Variants in STX8 observed in about 807,000 individuals in gnomAD.
STX8 encodes syntaxin 8, also known as syntaxin-8.
A neutral mutation model predicts 37.5 loss-of-function variants in STX8; 23 were observed. The observed-to-expected ratio is 0.61, with a 90% CI of 0.44 to 0.87. The LOEUF is 0.87. Ranked by LOEUF, STX8 falls within the 40% of genes least tolerant of loss-of-function variation. The pLI is 0.00. For synonymous variants in STX8, 115 were observed against 99.1 expected, an observed-to-expected ratio of 1.16 and a Z score of -0.95; for missense variants, 313 against 284.7, an observed-to-expected ratio of 1.10 and a Z score of -0.71.
At chr17:9,253,563 G>A (rs1388299592) in intron 7 of STX8, among the ~76,000 whole-genome samples, 1 of 152,100 alleles carries the variant, frequency 6.6e-6, no homozygotes, top group Non-Finnish European at 1.5e-5. Flanking sequence ...GGGATGGGGC[G>A]AAGGGGCAAT....
At chr17:9,516,983 G>T (rs1460180084) in intron 4 of STX8, among the ~76,000 whole-genome samples, 1 of 152,006 alleles carries the variant, frequency 6.6e-6, no homozygotes, top group African/African-American at 2.4e-5. Context: ...GGAGTAAGTG[G>T]GGAAGACTCA....
intron 6 of STX8, among the ~76,000 whole-genome samples, chr17:9,394,949 C>T (rs1023750205): frequency 6.4e-5 from 8 of 125,646 alleles, no homozygotes; most frequent in Admixed American, 1.4e-4. Context: ...TAGTGGCGGG[C>T]GCCGTAATCC....
At chr17:9,485,877 T>G (rs1280673566) in intron 6 of STX8, among the ~76,000 whole-genome samples, 1 of 152,100 alleles carries the variant, frequency 6.6e-6, no homozygotes, top group East Asian at 1.9e-4. Context: ...TAAGCCACCA[T>G]GCTCGGACAA....
At chr17:9,524,883 C>T (rs1257220522) in intron 4 of STX8, among the ~76,000 whole-genome samples, 1 of 151,314 alleles carries the variant, frequency 6.6e-6, no homozygotes, top group East Asian at 2.0e-4. Context: ...TCTTGACTTA[C>T]TGCAACCTCG....
chr17:9,521,594 T>G (rs918618137), intron 4 of STX8, among the ~76,000 whole-genome samples: 1 of 152,176 alleles, frequency 6.6e-6, no homozygotes, highest in Non-Finnish European at 1.5e-5. Flanking sequence ...CACCCTTCCA[T>G]CCATCCATCC....
chr17:9,448,498 A>G (rs946944144), intron 6 of STX8, among the ~76,000 whole-genome samples: 1 of 134,282 alleles, frequency 7.4e-6, no homozygotes, highest in Non-Finnish European at 1.6e-5. Flanking sequence ...GTGTACTGCT[A>G]AAGTGCCGTT....
At chr17:9,453,826 A>C (rs1324331623) in intron 6 of STX8, among the ~76,000 whole-genome samples, 1 of 151,964 alleles carries the variant, frequency 6.6e-6, no homozygotes, top group Non-Finnish European at 1.5e-5. Flanking sequence ...TTTAATAACT[A>C]TGTGTTGAGT....
At chr17:9,340,481 A>C (rs1036749251) in intron 7 of STX8, among the ~76,000 whole-genome samples, 1 of 152,204 alleles carries the variant, frequency 6.6e-6, no homozygotes, top group African/African-American at 2.4e-5. Flanking sequence ...AAAACATGAT[A>C]AACACTAGCA....
chr17:9,265,121 A>AAG (rs1160357675), intron 7 of STX8, among the ~76,000 whole-genome samples: 1 of 151,056 alleles, frequency 6.6e-6, no homozygotes, highest in African/African-American at 2.4e-5. Context: ...CCAGTCTGAA[A>AAG]AGAAAAAAAA....
chr17:9,495,600 C>T (rs1186113320), intron 5 of STX8, among the ~76,000 whole-genome samples: 1 of 152,130 alleles, frequency 6.6e-6, no homozygotes. Flanking sequence ...GATTTAGCAA[C>T]CTGATGATCA....
At chr17:9,517,748 G>A (rs537042539) in intron 4 of STX8, among the ~76,000 whole-genome samples, 1 of 130,560 alleles carries the variant, frequency 7.7e-6, no homozygotes, top group African/African-American at 2.9e-5. Context: ...GAGCCCAAGA[G>A]TTCAAGACCA....
intron 7 of STX8, among the ~76,000 whole-genome samples, chr17:9,372,743 T>C (rs1192938213): frequency 6.7e-6 from 1 of 149,868 alleles, no homozygotes; most frequent in East Asian, 2.0e-4. Context: ...CCCAAAGTGC[T>C]GGGATTACAG....
At chr17:9,451,293 C>A (rs1257594111) in intron 6 of STX8, among the ~76,000 whole-genome samples, 1 of 152,072 alleles carries the variant, frequency 6.6e-6, no homozygotes, top group Non-Finnish European at 1.5e-5. Context: ...TAAGTCAATG[C>A]CATTTCGTCT....
chr17:9,531,537 T>C (rs1239874482), intron 4 of STX8, among the ~76,000 whole-genome samples: 2 of 152,130 alleles, frequency 1.3e-5, no homozygotes, highest in Non-Finnish European at 2.9e-5. Flanking sequence ...ATAAGATATT[T>C]TGAGAGAGAG....
intron 6 of STX8, among the ~76,000 whole-genome samples, chr17:9,459,407 C>T (rs778640290): frequency 2.6e-5 from 4 of 152,166 alleles, no homozygotes; most frequent in African/African-American, 4.8e-5. Flanking sequence ...TTGAAAAACC[C>T]GTGGACTGAA....
chr17:9,445,001 C>G (rs1163809011), intron 6 of STX8, among the ~76,000 whole-genome samples: 1 of 152,204 alleles, frequency 6.6e-6, no homozygotes. Context: ...CACTGGCTCT[C>G]TGCTGAGCTG....
Position 9,506,422 on chromosome 17 carries a change from C to G in STX8, c.324-1260G>C, listed in dbSNP as rs868202685. The stretch of plus-strand genomic sequence containing the variant: ...GCTCACCCGCTCCCCCCCCCCCCCA[C>G]CCACCTTTCTTAGGAAAGGACTAAG... On this transcript the variant is annotated intron_variant, in intron 4 of 7. Transcript: ENST00000306357. 7.1e-4 allele frequency among the ~76,000 whole-genome samples: 78 copies of G among 109,492 alleles called. 3 individuals carry two copies. Among genetic ancestry groups the G allele is most frequent in the Middle Eastern group, 4.0e-3 (1 of 250 alleles). 71.8% of individuals were successfully genotyped at this position (109,492 alleles called of 152,430 possible).
intron 1 of STX8, among the ~76,000 whole-genome samples, chr17:9,571,562 G>A (rs1466981095): frequency 2.1e-5 from 3 of 141,734 alleles, no homozygotes; most frequent in Admixed American, 7.5e-5. Flanking sequence ...TTGTGCCATC[G>A]CACTCCAGCC....
intron 7 of STX8, among the ~76,000 whole-genome samples, chr17:9,307,623 G>A (rs1306227746): frequency 6.6e-6 from 1 of 152,138 alleles, no homozygotes; most frequent in Non-Finnish European, 1.5e-5. Flanking sequence ...TGGAAGCGGG[G>A]TGGAATTAAC....
Sources: gnomAD v4.1 joint callset for allele counts (sites outside exome capture counted in the v4.1 genomes callset) on GRCh38, gnomAD v4.1.1 for gene constraint, MANE v1.5 for transcripts, NCBI Gene and HGNC (gene_info 2026-07-23, HGNC 2026-07-21) for gene names.